FRAS1: variants seen among roughly 807,000 people sequenced by gnomAD.
The protein encoded by FRAS1 is Fraser extracellular matrix complex subunit 1.
In FRAS1, 290 loss-of-function variants were observed where a neutral mutation model predicts 435.2. That is an observed-to-expected ratio of 0.67 (90% CI 0.61 to 0.73). The LOEUF (loss-of-function observed/expected upper bound fraction) is 0.73, where lower values mean the gene tolerates loss of function less well. FRAS1 is among the 30% of genes least tolerant of loss of function. The pLI, the probability that FRAS1 is intolerant of heterozygous loss-of-function variation, is 0.00. For synonymous variants in FRAS1, 1,800 were observed against 1,851.0 expected, an observed-to-expected ratio of 0.97 and a Z score of 0.71; for missense variants, 4,860 against 5,001.5, an observed-to-expected ratio of 0.97 and a Z score of 0.85.
At chr4:78,356,136 T>A (rs1285505279) in intron 20 of FRAS1, among the ~76,000 whole-genome samples, 1 of 152,180 alleles carries the variant, frequency 6.6e-6, no homozygotes, top group African/African-American at 2.4e-5. Context: ...ATTAATACAT[T>A]TGGCTGGCCA....
chr4:78,469,555 CA>C (rs1235736148), intron 50 of FRAS1, among the ~76,000 whole-genome samples: 1 of 151,932 alleles, frequency 6.6e-6, no homozygotes, highest in Non-Finnish European at 1.5e-5. Context: ...GAAATTTCAA[CA>C]TTAACAATTT....
At chr4:78,510,799 G>T (rs1044804072) in intron 63 of FRAS1, among the ~76,000 whole-genome samples, 1 of 152,266 alleles carries the variant, frequency 6.6e-6, no homozygotes, top group South Asian at 2.1e-4. Context: ...TGGTCACTGG[G>T]TAGGGAGATG....
At chr4:78,220,927 G>C (rs1408829321) in intron 2 of FRAS1, among the ~76,000 whole-genome samples, 1 of 152,086 alleles carries the variant, frequency 6.6e-6, no homozygotes, top group East Asian at 1.9e-4. Context: ...ACTGACTTTG[G>C]GAGGCTGAGG....
At chr4:78,367,262 G>A (rs1731307334) in intron 22 of FRAS1, among the ~76,000 whole-genome samples, 1 of 152,026 alleles carries the variant, frequency 6.6e-6, no homozygotes, top group African/African-American at 2.4e-5. Context: ...AAAATAAGCT[G>A]GGCATGGTGG....
In FRAS1 at chr4:78,479,868, G is replaced by C. The variant is rs1449769648; in HGVS notation, c.8443+150G>C. On this transcript the variant is annotated intron_variant, in intron 56 of 73. Transcript: ENST00000512123. ...TGGTCTAAGGCACTATATAATGCTT[G>C]GCCAAGACCAAGCATGGAATTTATT... The C allele has an allele frequency of 9.5e-6, 5 of 526,062 alleles. No homozygotes were observed. The African/African-American group carries it at 9.6e-5, about 10-fold the overall frequency. The allele number at this position is 526,062 out of a possible 1,614,324, so 32.6% of individuals were successfully genotyped here.
rs1725291362 is a variant in FRAS1 at position 78,247,362 on chromosome 4, CA to C, written c.309+2041del. 6.6e-5 allele frequency among the ~76,000 whole-genome samples: 10 copies of C among 152,128 alleles called. No homozygotes were observed. The South Asian group carries it at 2.1e-3, about 32-fold the overall frequency. ...ATTTCTGGTATTTGATGTAACTGAG[CA>C]AAAGGATGAATTTCAAAACTATAGT... On this transcript the variant is annotated intron_variant, in intron 4 of 73. Transcript: ENST00000512123.
In FRAS1 at chr4:78,471,885, T is replaced by C. The variant is rs1310033168; in HGVS notation, c.7372-295T>C. Among the ~76,000 whole-genome samples, 10 of 152,022 alleles carry C rather than the reference T, an allele frequency of 6.6e-5. No homozygotes were observed. The East Asian group carries it at 1.5e-3, about 23-fold the overall frequency. Reference sequence around the variant, plus strand: ...TCAACTCCAGATGAAATTAATCTTTTTCTCTCTCTCTCTTTCTCTTAAAAA... The same window carrying C: ...TCAACTCCAGATGAAATTAATCTTTCTCTCTCTCTCTCTTTCTCTTAAAAA... On this transcript the variant is annotated intron_variant, in intron 51 of 73. Transcript: ENST00000512123.
At chr4:78,283,788 A>G (rs1007850254) in intron 12 of FRAS1, among the ~76,000 whole-genome samples, 1 of 152,204 alleles carries the variant, frequency 6.6e-6, no homozygotes, top group African/African-American at 2.4e-5. Context: ...GGGCTTTCCA[A>G]AACAAACATT....
chr4:78,479,290 A>G, intron 55 of FRAS1, 84 bp from the exon 56 acceptor site: 1 of 893,794 alleles, frequency 1.1e-6, no homozygotes, highest in Non-Finnish European at 1.6e-6. Flanking sequence ...TTTGGGAGGG[A>G]CCAAGCTCAT....
intron 1 of FRAS1, among the ~76,000 whole-genome samples, chr4:78,063,455 A>G (rs1184092697): frequency 6.6e-6 from 1 of 152,220 alleles, no homozygotes; most frequent in Non-Finnish European, 1.5e-5. Context: ...GTTCTGTTTT[A>G]GGAAAGCTCT....
chr4:78,438,778 G>A (rs1249180310), intron 39 of FRAS1, 60 bp downstream of exon 39: 53 of 1,515,172 alleles, frequency 3.5e-5, no homozygotes, highest in Non-Finnish European at 4.3e-5. Context: ...AAATATTTCA[G>A]CAACTGGTTG....
At chr4:78,146,404 A>G (rs1411610191) in intron 2 of FRAS1, among the ~76,000 whole-genome samples, 1 of 152,156 alleles carries the variant, frequency 6.6e-6, no homozygotes. Flanking sequence ...CTGTATGCAC[A>G]TACCCCATGC....
At chr4:78,198,942 A>C (rs1397262008) in intron 2 of FRAS1, among the ~76,000 whole-genome samples, 2 of 152,240 alleles carry the variant, frequency 1.3e-5, no homozygotes, top group Non-Finnish European at 2.9e-5. Flanking sequence ...GACTGTTTAT[A>C]TTATCAGTAA....
At position 78,540,589 on chromosome 4, in the gene FRAS1, T is replaced by C. The variant is rs1483334802; in HGVS notation, c.11504T>C (p.Ile3835Thr). ...ATCTACATCATTGGCCCTGACACCA[T>C]CTCAGGGCCCCGGGTCCAGCGCTCT... is the stretch of plus-strand genomic sequence containing the variant. ...QVIYIIGPDT[I>T]SGPRVQRSLT... The change falls in exon 74 of 74, where the codon ATC becomes ACC. Residue 3835 changes from isoleucine to threonine, a missense_variant. Coordinates refer to ENST00000512123, the MANE Select transcript of FRAS1 (RefSeq NM_025074.7). 6.5e-7 allele frequency: 1 copy of C among 1,530,864 alleles called. No individual in the cohort carries two copies. The highest frequency in any genetic ancestry group is 8.8e-7 in the Non-Finnish European group (1 of 1,140,190). The allele number at this position is 1,530,864 out of a possible 1,614,324, so 94.8% of individuals were successfully genotyped here.
chr4:78,171,201 A>G (rs1475044755), intron 2 of FRAS1, among the ~76,000 whole-genome samples: 1 of 152,054 alleles, frequency 6.6e-6, no homozygotes, highest in Non-Finnish European at 1.5e-5. Context: ...TGTTAATTAA[A>G]AAAAATAAAA....
intron 18 of FRAS1, among the ~76,000 whole-genome samples, chr4:78,328,724 T>G (rs371004172): frequency 5.9e-5 from 9 of 152,322 alleles, no homozygotes; most frequent in African/African-American, 2.2e-4. Context: ...AAGATTGTGT[T>G]AACTCACATG....
chr4:78,149,431 C>T (rs1720552283), intron 2 of FRAS1, among the ~76,000 whole-genome samples: 1 of 152,194 alleles, frequency 6.6e-6, no homozygotes, highest in Non-Finnish European at 1.5e-5. Context: ...ATACAGTGCA[C>T]TGTAGACTGT....
At chr4:78,440,026 T>TC (rs1734591620) in intron 40 of FRAS1, among the ~76,000 whole-genome samples, 1 of 143,318 alleles carries the variant, frequency 7.0e-6, no homozygotes, top group African/African-American at 2.6e-5. Context: ...TCTTTTTTTT[T>TC]TTTTTTTTTT....
In FRAS1 at chr4:78,434,075, A is replaced by G. The variant is rs570389461; in HGVS notation, c.5217+1471A>G. Among the ~76,000 whole-genome samples, 19 of 152,308 alleles carry G rather than the reference A, an allele frequency of 1.2e-4. 1 individual carries two copies. The South Asian group carries it at 3.9e-3, about 32-fold the overall frequency. On this transcript the variant is annotated intron_variant, in intron 38 of 73. Coordinates refer to ENST00000512123, the MANE Select transcript of FRAS1 (RefSeq NM_025074.7). Reference sequence around the variant, plus strand: ...ATTTTGTACTAAGAGTCATGGAAAAACTTTTCCAGATATGCATAGTTAGAA... The same window carrying G: ...ATTTTGTACTAAGAGTCATGGAAAAGCTTTTCCAGATATGCATAGTTAGAA...
Sources: gnomAD v4.1 joint callset for allele counts (sites outside exome capture counted in the v4.1 genomes callset) on GRCh38, gnomAD v4.1.1 for gene constraint, MANE v1.5 for transcripts, NCBI Gene and HGNC (gene_info 2026-07-23, HGNC 2026-07-21) for gene names.